The following INTS6L variants were observed in gnomAD, a reference collection of about 807,000 sequenced individuals.
INTS6L encodes integrator complex subunit 6 like.
Under a neutral mutation model 64.7 loss-of-function variants are expected in INTS6L, and 18 were observed. The ratio of observed to expected loss-of-function variants is 0.28; its 90% CI spans 0.19 to 0.41. The LOEUF (loss-of-function observed/expected upper bound fraction) is 0.41, where lower values mean the gene tolerates loss of function less well. INTS6L is among the 10% of genes least tolerant of loss of function. The pLI, the probability that INTS6L is intolerant of heterozygous loss-of-function variation, is 1.00. For missense variants in INTS6L, 533 were observed against 661.0 expected, an observed-to-expected ratio of 0.81 and a Z score of 2.12; for synonymous variants, 227 against 235.9, an observed-to-expected ratio of 0.96 and a Z score of 0.34.
intron 9 of INTS6L, among the ~76,000 whole-genome samples, chrX:135,564,152 A>G (rs782772351): frequency 1.8e-5 from 2 of 109,131 alleles, no homozygotes; most frequent in Admixed American, 9.7e-5. Flanking sequence ...ACATTGTTCT[A>G]TTTTCCAGTT....
intron 9 of INTS6L, among the ~76,000 whole-genome samples, chrX:135,564,823 C>T (rs2086896766): frequency 9.0e-6 from 1 of 110,555 alleles, no homozygotes; most frequent in Non-Finnish European, 1.9e-5. Context: ...TGTTATGAGT[C>T]TCTGGATCTT....
At chrX:135,534,928 C>G (rs1009722793) in intron 2 of INTS6L, among the ~76,000 whole-genome samples, 13 of 110,781 alleles carry the variant, frequency 1.2e-4, no homozygotes, top group Non-Finnish European at 2.5e-4. Flanking sequence ...CTCAGCCTCC[C>G]AAAGTGTTGG....
Position 135,572,605 on chromosome X carries a change from GAAAA to G in INTS6L, c.1399-204_1399-201del, listed in dbSNP as rs782599478. 5.9e-4 allele frequency: 177 copies of G among 301,233 alleles called. 1 individual carries two copies. Among genetic ancestry groups the G allele is most frequent in the African/African-American group, 4.7e-3 (170 of 36,553 alleles). 24.8% of individuals were successfully genotyped at this position (301,233 alleles called of 1,213,427 possible). ...TTATTATAATTTTGACACTAGACAA[GAAAA>G]AAAAATATTATTTGTCTTTCCTGCC... is the stretch of plus-strand genomic sequence containing the variant. On this transcript the variant is annotated intron_variant, in intron 11 of 17. Coordinates refer to ENST00000639893, the MANE Select transcript of INTS6L (RefSeq NM_001351601.3).
At chrX:135,528,899 C>A (rs2085826357) in intron 2 of INTS6L, among the ~76,000 whole-genome samples, 1 of 80,059 alleles carries the variant, frequency 1.2e-5, no homozygotes, top group African/African-American at 4.8e-5. Context: ...ATAAAAGACT[C>A]ATTTGTGCAT....
chrX:135,547,225 T>G lies in INTS6L; in HGVS notation c.702T>G (p.Asn234Lys). Residue 234 changes from asparagine (N) to lysine (K), a missense_variant, in exon 6 of 18, where the codon AAT becomes AAG. Transcript: ENST00000639893. Reference protein sequence around the residue: ...VQKVQSGVVINFEKTGPDPLP... With the variant: ...VQKVQSGVVIKFEKTGPDPLP... The stretch of plus-strand genomic sequence containing the variant: ...AAGTTCAGAGTGGTGTAGTTATTAA[T>G]TTTGAAAAAACAGGACCAGATCCAC... 1 of 1,209,376 alleles carries G rather than the reference T, an allele frequency of 8.3e-7. No homozygotes were observed.
chrX:135,540,716 GCTCCTC>G (rs149159206), intron 2 of INTS6L, among the ~76,000 whole-genome samples: 1 of 97,321 alleles, frequency 1.0e-5, no homozygotes, highest in African/African-American at 3.8e-5. Flanking sequence ...CCTCCTAGCT[GCTCCTC>G]CTCCTCCTCC....
At position 135,520,905 on chromosome X, in the gene INTS6L, CGA is replaced by C; in HGVS notation, c.-84_-83del. On this transcript the variant is annotated 5_prime_UTR_variant, in exon 1 of 18. Coordinates refer to ENST00000639893, the MANE Select transcript of INTS6L (RefSeq NM_001351601.3). ...TCTTGCTCCTTGCTCCCCGGCTCTGCGAGAGTTGAGGGTTCAGGTGGCCGTAC... is the reference window on the plus strand; with the variant it reads ...TCTTGCTCCTTGCTCCCCGGCTCTGCGAGTTGAGGGTTCAGGTGGCCGTAC... 2 of 989,313 alleles carry C rather than the reference CGA, an allele frequency of 2.0e-6. No individual in the cohort carries two copies. Among genetic ancestry groups the C allele is most frequent in the Non-Finnish European group, 2.8e-6 (2 of 708,508 alleles). The allele number at this position is 989,313 out of a possible 1,213,427, so 81.5% of individuals were successfully genotyped here. A position where few individuals can be genotyped will look rare whatever the true frequency, so the allele number is the denominator to read the frequency against.
intron 2 of INTS6L, among the ~76,000 whole-genome samples, chrX:135,538,185 A>T (rs2086105095): frequency 8.9e-6 from 1 of 112,121 alleles, no homozygotes; most frequent in Non-Finnish European, 1.9e-5. Context: ...CCACAGTAGA[A>T]CTTCTTTCTA....
rs35845600 is a variant in INTS6L at position 135,554,883 on chromosome X, C to CTTTTTTT, written c.1060-1266_1060-1260dup. On this transcript the variant is annotated intron_variant, in intron 8 of 17. Transcript: ENST00000639893. ...CTGAATGTTTACTCTACCAGCATAACTTTTTTTTTTTTTTTTTTTTTTTTT... is the reference window on the plus strand; with the variant it reads ...CTGAATGTTTACTCTACCAGCATAACTTTTTTTTTTTTTTTTTTTTTTTTTTTTTTTT... 9.3e-4 allele frequency among the ~76,000 whole-genome samples: 47 copies of CTTTTTTT among 50,467 alleles called. 7 individuals are homozygous for CTTTTTTT. The highest frequency in any genetic ancestry group is 1.2e-3 in the Non-Finnish European group (37 of 31,763). 43.8% of individuals were successfully genotyped at this position (50,467 alleles called of 115,157 possible).
intron 9 of INTS6L, among the ~76,000 whole-genome samples, chrX:135,558,307 C>A (rs2086693238): frequency 9.0e-6 from 1 of 111,467 alleles, no homozygotes; most frequent in East Asian, 2.8e-4. Context: ...GAGTATATAT[C>A]CAAAAGAATC....
intron 9 of INTS6L, among the ~76,000 whole-genome samples, chrX:135,568,586 G>A (rs1243353608): frequency 9.0e-6 from 1 of 110,926 alleles, no homozygotes; most frequent in Non-Finnish European, 1.9e-5. Context: ...GTCTTGCTCT[G>A]TCACCCAGGC....
Position 135,575,193 on chromosome X carries a change from T to C in INTS6L, c.1851T>C (p.His617=). 1 of 1,211,132 alleles carries C rather than the reference T, an allele frequency of 8.3e-7. No individual in the cohort carries two copies. Among genetic ancestry groups the C allele is most frequent in the Non-Finnish European group, 1.1e-6 (1 of 895,258 alleles). The part of the protein sequence containing the change: ...EIDPDQPKRL[H]TFGNPFKQDK... ...ATCCAGACCAACCCAAAAGACTGCATACTTTTGGCAATCCGTTTAAACAAG... is the reference window on the plus strand; with the variant it reads ...ATCCAGACCAACCCAAAAGACTGCACACTTTTGGCAATCCGTTTAAACAAG... Residue 617 remains histidine (H), a synonymous_variant, in exon 14 of 18, where the codon CAT becomes CAC. Transcript: ENST00000639893.
chrX:135,577,248 A>G lies in INTS6L; in HGVS notation c.1940A>G (p.Lys647Arg), dbSNP rs782390079. 4.1e-6 allele frequency: 5 copies of G among 1,211,331 alleles called. No homozygotes were observed. The highest frequency in any genetic ancestry group is 5.6e-6 in the Non-Finnish European group (5 of 895,428). Reference sequence around the variant, plus strand: ...GTAGCAGGGCCACAAAACAAAGTGAAACGTCCAGGGGAACCCAACAGTCCT... The same window carrying G: ...GTAGCAGGGCCACAAAACAAAGTGAGACGTCCAGGGGAACCCAACAGTCCT... ...EFVAGPQNKV[K>R]RPGEPNSPMS... is the part of the protein sequence containing the mutation. The change falls in exon 15 of 18, where the codon AAA (lysine) becomes AGA (arginine). Residue 647 changes from lysine to arginine, a missense_variant. Physicochemically the swap from Lys to Arg is conservative, Grantham distance 26. Coordinates refer to ENST00000639893, the MANE Select transcript of INTS6L (RefSeq NM_001351601.3).
chrX:135,581,264 C>T, intron 17 of INTS6L, 121 bp downstream of exon 17: 2 of 526,570 alleles, frequency 3.8e-6, no homozygotes, highest in Non-Finnish European at 6.0e-6. Context: ...GGCCCTCACT[C>T]ATAGTTAAGG....
chrX:135,544,042 TG>T (rs1235007782), intron 2 of INTS6L, among the ~76,000 whole-genome samples: 1 of 112,511 alleles, frequency 8.9e-6, no homozygotes, highest in Non-Finnish European at 1.9e-5. Flanking sequence ...CTATTGGACC[TG>T]GAGTGAATCT....
chrX:135,541,582 C>T (rs1556512877), intron 2 of INTS6L, among the ~76,000 whole-genome samples: 1 of 112,117 alleles, frequency 8.9e-6, no homozygotes, highest in Non-Finnish European at 1.9e-5. Flanking sequence ...CTTGCCACCA[C>T]ATAAACAAGA....
intron 10 of INTS6L, chrX:135,570,147 G>T: frequency 5.1e-6 from 1 of 194,909 alleles, no homozygotes; most frequent in Non-Finnish European, 9.5e-6. Flanking sequence ...ACAATAAAAT[G>T]CAATGTGAAA....
At chrX:135,574,792 G>C (rs1556529904) in intron 13 of INTS6L, among the ~76,000 whole-genome samples, 1 of 111,834 alleles carries the variant, frequency 8.9e-6, no homozygotes, top group East Asian at 2.8e-4. Flanking sequence ...GAAGATATGT[G>C]GTGATTTGAG....
At chrX:135,557,147 G>C (rs781891888) in intron 9 of INTS6L, among the ~76,000 whole-genome samples, 10 of 111,480 alleles carry the variant, frequency 9.0e-5, no homozygotes, top group Non-Finnish European at 1.5e-4. Context: ...ATTTCTTAGT[G>C]CAACCTAAGA....
Sources: gnomAD v4.1 joint callset for allele counts (sites outside exome capture counted in the v4.1 genomes callset) on GRCh38, gnomAD v4.1.1 for gene constraint, MANE v1.5 for transcripts, NCBI Gene and HGNC (gene_info 2026-07-23, HGNC 2026-07-21) for gene names.